Variants in TACC1 observed in about 807,000 individuals in gnomAD.
The protein encoded by TACC1 is transforming acidic coiled-coil-containing protein 1.
A neutral mutation model predicts 84.4 loss-of-function variants in TACC1; 48 were observed. The ratio of observed to expected loss-of-function variants is 0.57; its 90% CI spans 0.45 to 0.72. The LOEUF (loss-of-function observed/expected upper bound fraction) is 0.72. Ranked by LOEUF, TACC1 falls within the 30% of genes least tolerant of loss-of-function variation. The pLI, the probability that TACC1 is intolerant of heterozygous loss-of-function variation, is 0.00. For synonymous variants in TACC1, 372 were observed against 376.3 expected, an observed-to-expected ratio of 0.99 and a Z score of 0.13; for missense variants, 920 against 973.0, an observed-to-expected ratio of 0.95 and a Z score of 0.72.
chr8:38,789,076 A>G (rs1167766658), intron 2 of TACC1, among the ~76,000 whole-genome samples: 1 of 151,480 alleles, frequency 6.6e-6, no homozygotes, highest in East Asian at 1.9e-4. Flanking sequence ...TCAGCCCCTA[A>G]AAAAATATGT....
intron 2 of TACC1, among the ~76,000 whole-genome samples, chr8:38,795,876 G>A (rs760158571): frequency 6.6e-6 from 1 of 152,156 alleles, no homozygotes; most frequent in Non-Finnish European, 1.5e-5. Context: ...GATTGATGAT[G>A]GCCAGACTCA....
chr8:38,787,785 C>T, intron 1 of TACC1, 42 bp downstream of exon 1: 4 of 1,461,298 alleles, frequency 2.7e-6, no homozygotes, highest in South Asian at 2.5e-5. Flanking sequence ...ACGCGCTTGC[C>T]TCCATCCATC....
intron 2 of TACC1, among the ~76,000 whole-genome samples, chr8:38,812,865 C>T (rs868837402): frequency 3.3e-5 from 5 of 152,124 alleles, no homozygotes; most frequent in Admixed American, 2.0e-4. Context: ...CTTGCTGTTA[C>T]GTCCCCAGTG....
In TACC1 at chr8:38,820,251, C is replaced by A. The variant is rs936444271; in HGVS notation, c.1007C>A (p.Ala336Asp). The A allele has an allele frequency of 1.1e-5, 17 of 1,614,096 alleles. No individual in the cohort carries two copies. Among genetic ancestry groups the A allele is most frequent in the Non-Finnish European group, 1.4e-5 (17 of 1,179,998 alleles). The stretch of plus-strand genomic sequence containing the variant: ...ACAGGAAACATAGAGGCCAGGAAAG[C>A]CCTTCCAAGGAAGCTTGGCAGGAAA... ...EDTGNIEARK[A>D]LPRKLGRKLG... Residue 336 changes from alanine to aspartate, a missense_variant, in exon 3 of 13, where the codon GCC becomes GAC. Transcript: ENST00000317827.
At chr8:38,775,954 A>G (rs1165259815) in intron 3 of TACC1, among the ~76,000 whole-genome samples, 1 of 152,208 alleles carries the variant, frequency 6.6e-6, no homozygotes, top group Non-Finnish European at 1.5e-5. Flanking sequence ...ATTTCTAAAA[A>G]TATTTTGTGT....
chr8:38,846,922 TCTA>T (rs1192304497), intron 12 of TACC1, 103 bp downstream of exon 12: 14 of 1,391,704 alleles, frequency 1.0e-5, no homozygotes, highest in Middle Eastern at 2.5e-4. Context: ...GCCTTGGCTT[TCTA>T]CTCAGACATT....
intron 3 of TACC1, among the ~76,000 whole-genome samples, chr8:38,746,207 TG>T (rs2151711712): frequency 6.6e-6 from 1 of 152,320 alleles, no homozygotes; most frequent in Non-Finnish European, 1.5e-5. Context: ...AAAAAAAGCT[TG>T]TTTTTGATTA....
At chr8:38,794,576 G>A (rs1044686702) in intron 2 of TACC1, among the ~76,000 whole-genome samples, 1 of 152,186 alleles carries the variant, frequency 6.6e-6, no homozygotes, top group Non-Finnish European at 1.5e-5. Flanking sequence ...GTGTGTGTGT[G>A]TGTGCGTGCT....
chr8:38,804,473 G>GT (rs1462583699), intron 2 of TACC1, among the ~76,000 whole-genome samples: 1 of 151,910 alleles, frequency 6.6e-6, no homozygotes, highest in Non-Finnish European at 1.5e-5. Flanking sequence ...CTAATTTTTT[G>GT]TATTTTTAGT....
At chr8:38,757,245 C>CCA in intron 3 of TACC1, 1 of 941,040 alleles carries the variant, frequency 1.1e-6, no homozygotes, top group Non-Finnish European at 1.3e-6. Context: ...CCCTTCCTCC[C>CCA]GCCCCACCGC....
upstream of TACC1, among the ~76,000 whole-genome samples, chr8:38,785,371 C>T (rs993948163): frequency 6.6e-6 from 1 of 152,080 alleles, no homozygotes; most frequent in Non-Finnish European, 1.5e-5. Context: ...TAAAGATTGA[C>T]AACGAGTTCT....
intron 3 of TACC1, among the ~76,000 whole-genome samples, chr8:38,754,929 G>A (rs1325767961): frequency 6.6e-6 from 1 of 152,200 alleles, no homozygotes; most frequent in Non-Finnish European, 1.5e-5. Context: ...TCGGGAGGCC[G>A]AGGCAGGCGG....
Position 38,820,156 on chromosome 8 carries a change from C to T in TACC1, c.912C>T (p.Asp304=). The T allele has an allele frequency of 6.2e-7, 1 of 1,614,168 alleles. No individual in the cohort carries two copies. Among genetic ancestry groups the T allele is most frequent in the Non-Finnish European group, 8.5e-7 (1 of 1,180,022 alleles). The change falls in exon 3 of 13, where the codon GAC becomes GAT. Residue 304 remains aspartate (D), a synonymous_variant. Coordinates refer to ENST00000317827, the MANE Select transcript of TACC1 (RefSeq NM_006283.3). The part of the protein sequence containing the change: ...TPGTLSSDTN[D]SGVELGEESR... ...GCACTCTCAGTAGTGACACCAACGA[C>T]TCAGGGGTTGAGCTGGGGGAGGAGT...
At chr8:38,759,472 T>C (rs1371343645) in intron 3 of TACC1, among the ~76,000 whole-genome samples, 1 of 152,258 alleles carries the variant, frequency 6.6e-6, no homozygotes, top group East Asian at 1.9e-4. Flanking sequence ...GGTTCAGTTG[T>C]TAGGGTGTTA....
chr8:38,787,067 G>A, upstream of TACC1: 1 of 944,444 alleles, frequency 1.1e-6, no homozygotes, highest in Non-Finnish European at 1.3e-6. Context: ...GTCGGGCCGC[G>A]ACCAGCGTGA....
In TACC1 at chr8:38,788,732, C is replaced by A; in HGVS notation, c.190C>A (p.Pro64Thr). ...SSDSEGNFETPEAETPIRSPF... is the reference protein window; with the variant it reads ...SSDSEGNFETTEAETPIRSPF... ...GGATTCTGAAGGTAATTTTGAGACT[C>A]CTGAAGCTGAAACCCCGATCCGATC... The change falls in exon 2 of 13, where the codon CCT (proline) becomes ACT (threonine). Residue 64 changes from proline (P) to threonine (T), a missense_variant. Pro to Thr is a conservative substitution (Grantham distance 38, BLOSUM62 -1). Around this residue, in one of 2 missense-constraint regions of TACC1, gnomAD observed 762 missense variants for 747.3 expected, o/e 1.02. Transcript: ENST00000317827. 6.2e-7 allele frequency: 1 copy of A among 1,613,994 alleles called. No homozygotes were observed.
chr8:38,787,903 A>G (rs1338576299), intron 1 of TACC1, among the ~76,000 whole-genome samples, 160 bp downstream of exon 1: 1 of 152,192 alleles, frequency 6.6e-6, no homozygotes, highest in East Asian at 1.9e-4. Flanking sequence ...CCGAAAGTTC[A>G]GGATCTTCTG....
chr8:38,729,960 G>A (rs189870351), intron 1 of TACC1, among the ~76,000 whole-genome samples: 6 of 152,332 alleles, frequency 3.9e-5, no homozygotes, highest in East Asian at 1.9e-4. Context: ...GGAGTTCAGC[G>A]TGGAGCCTGG....
intron 7 of TACC1, among the ~76,000 whole-genome samples, 177 bp from the exon 8 acceptor site, chr8:38,838,293 A>ATTCAG (rs1830599841): frequency 6.6e-6 from 1 of 152,254 alleles, no homozygotes; most frequent in African/African-American, 2.4e-5. Context: ...GCATCCCAGC[A>ATTCAG]TTCAGTGTGG....
Sources: gnomAD v4.1 joint callset for allele counts (sites outside exome capture counted in the v4.1 genomes callset) on GRCh38, gnomAD v4.1.1 for gene constraint, gnomAD v4.1.1 regional missense constraint, MANE v1.5 for transcripts, NCBI Gene and HGNC (gene_info 2026-07-23, HGNC 2026-07-21) for gene names.